The following BMAL1 variants were observed in gnomAD, a reference collection of about 807,000 sequenced individuals.
BMAL1 encodes basic helix-loop-helix ARNT like 1.
chr11:13,313,627 T>C, the BMAL1 span, among the ~76,000 whole-genome samples: 5 of 152,174 alleles, frequency 3.3e-5, no homozygotes, highest in African/African-American at 1.2e-4. Context: ...CTTCTCTGTC[T>C]CTCCACTCCT....
chr11:13,385,192 C>T, the BMAL1 span, among the ~76,000 whole-genome samples: 1 of 152,168 alleles, frequency 6.6e-6, no homozygotes, highest in Admixed American at 6.5e-5. Context: ...AGTAGCCTGT[C>T]TTAACTTAAA....
chr11:13,383,150 T>C, the BMAL1 span, among the ~76,000 whole-genome samples: 2 of 152,120 alleles, frequency 1.3e-5, no homozygotes, highest in African/African-American at 4.8e-5. Context: ...GGTCCAAAAA[T>C]GAACCATTTA....
At chr11:13,357,050 C>G in the BMAL1 span, 2 of 1,614,194 alleles carry the variant, frequency 1.2e-6, no homozygotes, top group Non-Finnish European at 1.7e-6. This position sits in a 1 kb window ranked among gnomAD's most constrained non-coding sequence, Gnocchi z 4.8. Context: ...TTTTCCTCCC[C>G]CCAGGTTAGA....
At chr11:13,284,186 ATATATATG>A in the BMAL1 span, among the ~76,000 whole-genome samples, 2 of 66,530 alleles carry the variant, frequency 3.0e-5, no homozygotes, top group Non-Finnish European at 5.0e-5. Context: ...ATGTGTATAT[ATATATATG>A]TGTGTATATA....
the BMAL1 span, among the ~76,000 whole-genome samples, chr11:13,286,111 C>T: frequency 2.2e-4 from 33 of 152,266 alleles, no homozygotes; most frequent in African/African-American, 7.5e-4. Context: ...AGTTTCTAGG[C>T]GAGCCCTCAA....
chr11:13,308,690 T>G, the BMAL1 span, among the ~76,000 whole-genome samples: 1 of 152,140 alleles, frequency 6.6e-6, no homozygotes, highest in Non-Finnish European at 1.5e-5. Context: ...ACTTTGCAAA[T>G]AAGTCATAGT....
At chr11:13,334,163 G>T in the BMAL1 span, among the ~76,000 whole-genome samples, 7 of 152,126 alleles carry the variant, frequency 4.6e-5, no homozygotes, top group South Asian at 1.5e-3. Flanking sequence ...ATCTTGTCCC[G>T]AGCCATGCAG....
the BMAL1 span, among the ~76,000 whole-genome samples, chr11:13,291,506 A>G: frequency 3.9e-5 from 6 of 152,166 alleles, no homozygotes; most frequent in African/African-American, 1.4e-4. Context: ...GACATCTCCT[A>G]GTGTTATGAC....
At chr11:13,322,074 C>G in the BMAL1 span, among the ~76,000 whole-genome samples, 1 of 152,306 alleles carries the variant, frequency 6.6e-6, no homozygotes, top group South Asian at 2.1e-4. Context: ...CCTGAGTGAG[C>G]ATCCTGGCTC....
At chr11:13,292,419 C>T in the BMAL1 span, among the ~76,000 whole-genome samples, 3 of 150,970 alleles carry the variant, frequency 2.0e-5, no homozygotes, top group African/African-American at 7.3e-5. Context: ...TAGTGGCGGG[C>T]GCCTGTAATC....
the BMAL1 span, among the ~76,000 whole-genome samples, chr11:13,327,691 A>C: frequency 6.6e-5 from 10 of 152,208 alleles, no homozygotes; most frequent in African/African-American, 2.2e-4. Flanking sequence ...TTACTGTGAA[A>C]GGGCTTCCTG....
the BMAL1 span, chr11:13,277,092 T>C: frequency 6.6e-6 from 1 of 152,294 alleles, no homozygotes; most frequent in African/African-American, 2.4e-5. Flanking sequence ...CTTGCAGTCC[T>C]CGGGGTGGAA....
chr11:13,277,981 G>T, the BMAL1 span: 1 of 151,458 alleles, frequency 6.6e-6, no homozygotes, highest in African/African-American at 2.4e-5. Context: ...GTCGGGGGCC[G>T]TTAGCACCCT....
the BMAL1 span, chr11:13,365,358 C>A: frequency 1.5e-5 from 8 of 550,740 alleles, no homozygotes; most frequent in East Asian, 3.7e-5. Flanking sequence ...TTTTCAGCAT[C>A]CTGCACTCAG....
chr11:13,299,260 G>A, the BMAL1 span, among the ~76,000 whole-genome samples: 2 of 152,188 alleles, frequency 1.3e-5, no homozygotes, highest in African/African-American at 2.4e-5. Context: ...TCACATATAA[G>A]AGTTTGGCTT....
chr11:13,382,200 T>C, the BMAL1 span, among the ~76,000 whole-genome samples: 1 of 152,212 alleles, frequency 6.6e-6, no homozygotes, highest in Non-Finnish European at 1.5e-5. Flanking sequence ...TTCTTTTTTA[T>C]ACAGGAATCT....
chr11:13,330,480 G>T, the BMAL1 span, among the ~76,000 whole-genome samples: 1 of 152,248 alleles, frequency 6.6e-6, no homozygotes, highest in African/African-American at 2.4e-5. Context: ...TCATTGCAGA[G>T]CATGCCATAT....
the BMAL1 span, chr11:13,356,325 G>A: frequency 1.1e-5 from 5 of 467,390 alleles, no homozygotes; most frequent in Non-Finnish European, 4.3e-6. Context: ...ATTTATCTTT[G>A]ATGCTCAATA....
chr11:13,322,646 G>T, the BMAL1 span, among the ~76,000 whole-genome samples: 23 of 152,256 alleles, frequency 1.5e-4, no homozygotes, highest in East Asian at 2.1e-3. Context: ...GGGAGGAAAG[G>T]TGTAAATACA....
Sources: gnomAD v4.1 joint callset for allele counts (sites outside exome capture counted in the v4.1 genomes callset) on GRCh38, gnomAD v4.1.1 for gene constraint, Gnocchi (gnomAD v3.1) non-coding constraint, MANE v1.5 for transcripts, NCBI Gene and HGNC (gene_info 2026-07-23, HGNC 2026-07-21) for gene names.